The following ROS1 variants were observed in gnomAD, a reference collection of about 807,000 sequenced individuals.
The protein encoded by ROS1 is ROS proto-oncogene 1, receptor tyrosine kinase, also known as proto-oncogene tyrosine-protein kinase ROS.
In ROS1, 263 loss-of-function variants were observed where a neutral mutation model predicts 273.5. That is an observed-to-expected ratio of 0.96 (90% CI 0.87 to 1.06). ROS1 has a LOEUF of 1.06. Ranked by LOEUF, ROS1 falls within the 50% of genes least tolerant of loss-of-function variation. ROS1 has a pLI of 0.00. For missense variants in ROS1, 2,833 were observed against 2,751.1 expected, an observed-to-expected ratio of 1.03 and a Z score of -0.67; for synonymous variants, 1,008 against 954.1, an observed-to-expected ratio of 1.06 and a Z score of -1.04.
At chr6:117,304,480 T>C (rs1459092766) in intron 42 of ROS1, among the ~76,000 whole-genome samples, 1 of 152,232 alleles carries the variant, frequency 6.6e-6, no homozygotes, top group Non-Finnish European at 1.5e-5. Flanking sequence ...TGTCCCTCCT[T>C]ATCAGTTTTG....
At chr6:117,396,437 G>T (rs1360133095) in intron 8 of ROS1, among the ~76,000 whole-genome samples, 173 bp from the exon 9 acceptor site, 1 of 152,166 alleles carries the variant, frequency 6.6e-6, no homozygotes, top group African/African-American at 2.4e-5. Flanking sequence ...ATCCTTGTTT[G>T]CATTCCCCTA....
chr6:117,390,288 G>A (rs1191905743), intron 12 of ROS1, among the ~76,000 whole-genome samples: 2 of 151,934 alleles, frequency 1.3e-5, no homozygotes, highest in South Asian at 2.1e-4. Context: ...CACCGTGCTC[G>A]GCTAATTTTT....
At chr6:117,406,998 G>A (rs1582873369) in intron 5 of ROS1, among the ~76,000 whole-genome samples, 1 of 145,228 alleles carries the variant, frequency 6.9e-6, no homozygotes, top group East Asian at 2.0e-4. Flanking sequence ...GTAATGGCCT[G>A]GAGCACATCA....
intron 17 of ROS1, among the ~76,000 whole-genome samples, chr6:117,380,167 G>C (rs1397807574): frequency 7.2e-5 from 11 of 152,036 alleles, no homozygotes; most frequent in Admixed American, 7.2e-4. Context: ...GAAGCTGTGA[G>C]GTATAACCAA....
chr6:117,356,550 G>T, intron 26 of ROS1, 79 bp downstream of exon 26: 1 of 1,268,944 alleles, frequency 7.9e-7, no homozygotes, highest in Non-Finnish European at 1.1e-6. Flanking sequence ...AGTATACGCG[G>T]AATGCAAGCC....
At chr6:117,325,668 G>C (rs975766041) in intron 34 of ROS1, among the ~76,000 whole-genome samples, 72 of 152,234 alleles carry the variant, frequency 4.7e-4, no homozygotes, top group African/African-American at 1.7e-3. Context: ...GAAAGAGGAA[G>C]ATGAGAACTC....
At chr6:117,407,321 T>C (rs1774493945) in intron 5 of ROS1, among the ~76,000 whole-genome samples, 1 of 152,154 alleles carries the variant, frequency 6.6e-6, no homozygotes, top group African/African-American at 2.4e-5. Context: ...GGAAATGATA[T>C]CTGCTGACAT....
At chr6:117,357,056 T>C (rs143669880) in intron 25 of ROS1, 141 bp from the exon 26 acceptor site, 9 of 682,914 alleles carry the variant, frequency 1.3e-5, no homozygotes, top group Admixed American at 1.2e-4. Context: ...AAGTTTTCAA[T>C]AACCTTTTTC....
chr6:117,403,220 A>G lies in ROS1; in HGVS notation c.523T>C (p.Phe175Leu). ...KPLHPFTEYI[F>L]RVVWIFTAQL... Reference sequence around the variant, plus strand: ...GCTGTGAAGATCCAAACCACTCGGAAAATGTACTCAGTGAAGGGGTGCAGG... The same window carrying G: ...GCTGTGAAGATCCAAACCACTCGGAGAATGTACTCAGTGAAGGGGTGCAGG... The change falls in exon 7 of 44, where the codon TTC becomes CTC. Residue 175 changes from phenylalanine to leucine, a missense_variant. Transcript: ENST00000368507. 1 of 1,612,218 alleles carries G rather than the reference A, an allele frequency of 6.2e-7. No individual in the cohort carries two copies. The highest frequency in any genetic ancestry group is 8.5e-7 in the Non-Finnish European group (1 of 1,179,614).
At chr6:117,371,152 A>G (rs1780731432) in intron 18 of ROS1, among the ~76,000 whole-genome samples, 1 of 152,174 alleles carries the variant, frequency 6.6e-6, no homozygotes, top group African/African-American at 2.4e-5. Flanking sequence ...CTTTTGCTCC[A>G]AGAACTACCA....
At chr6:117,329,633 G>C (rs1287166929) in intron 32 of ROS1, among the ~76,000 whole-genome samples, 187 bp from the exon 33 acceptor site, 1 of 152,130 alleles carries the variant, frequency 6.6e-6, no homozygotes, top group Non-Finnish European at 1.5e-5. Flanking sequence ...TAATAAGTGT[G>C]TGAGTCCTTC....
chr6:117,361,965 A>G lies in ROS1; in HGVS notation c.3366+638T>C, dbSNP rs190634567. ...AAATACCTACAGTGGTGCAAGGCCTATAGTGATTTTATTGAAAAATAATGG... is the reference window on the plus strand; with the variant it reads ...AAATACCTACAGTGGTGCAAGGCCTGTAGTGATTTTATTGAAAAATAATGG... On this transcript the variant is annotated intron_variant, in intron 22 of 43. Transcript: ENST00000368507. Among the ~76,000 whole-genome samples the G allele has an allele frequency of 2.8e-3, 430 of 152,244 alleles. 3 individuals are homozygous for G. Among genetic ancestry groups the G allele is most frequent in the African/African-American group, 9.4e-3 (390 of 41,558 alleles).
At position 117,288,780 on chromosome 6, in the gene ROS1, A is replaced by G. The variant is rs1200820127; in HGVS notation, c.6738T>C (p.Cys2246=). ...SFEGEDGDVI[C]LNSDDIMPVA... is the part of the protein sequence containing the mutation. ...CTGGCATAATGTCATCTGAATTCAA[A>G]CAAATCACATCGCCATCTTCACCTG... Residue 2246 remains cysteine (C), a synonymous_variant, in exon 44 of 44, where the codon TGT becomes TGC. Transcript: ENST00000368507. 6.2e-7 allele frequency: 1 copy of G among 1,603,300 alleles called. No homozygotes were observed. The highest frequency in any genetic ancestry group is 8.5e-7 in the Non-Finnish European group (1 of 1,174,946).
At position 117,394,360 on chromosome 6, in the gene ROS1, G is replaced by A; in HGVS notation, c.1007-14C>T. 1 of 1,579,658 alleles carries A rather than the reference G, an allele frequency of 6.3e-7. No homozygotes were observed. On this transcript the variant is annotated splice_polypyrimidine_tract_variant and intron_variant, in intron 10 of 43. Coordinates refer to ENST00000368507, the MANE Select transcript of ROS1 (RefSeq NM_001378902.1). Reference sequence around the variant, plus strand: ...CAACAGATATTCCTAGAAGAGCCATGCAAGTGCACACACATTATTATATAA... The same window carrying A: ...CAACAGATATTCCTAGAAGAGCCATACAAGTGCACACACATTATTATATAA...
At chr6:117,327,433 A>G (rs1451945220) in intron 33 of ROS1, among the ~76,000 whole-genome samples, 1 of 152,100 alleles carries the variant, frequency 6.6e-6, no homozygotes, top group Non-Finnish European at 1.5e-5. Flanking sequence ...CAAAAGAAAG[A>G]GGCCCTTGAG....
chr6:117,411,658 C>T (rs1774922304), intron 4 of ROS1, among the ~76,000 whole-genome samples: 1 of 152,148 alleles, frequency 6.6e-6, no homozygotes, highest in Non-Finnish European at 1.5e-5. Context: ...TTTCCAGCTT[C>T]TGTAACACTA....
rs547091089 is a variant in ROS1 at position 117,425,773 on chromosome 6, T to C, written c.-117A>G. 1.3e-5 allele frequency: 15 copies of C among 1,117,016 alleles called. No individual in the cohort carries two copies. The Admixed American group carries it at 2.9e-4, about 22-fold the overall frequency. 69.2% of individuals were successfully genotyped at this position (1,117,016 alleles called of 1,614,324 possible). ...AGTAGCTGATGGATTTTGCTTTGTT[T>C]GTTTTGCTATATTAGGATATACTTG... On this transcript the variant is annotated 5_prime_UTR_variant, in exon 1 of 44. Coordinates refer to ENST00000368507, the MANE Select transcript of ROS1 (RefSeq NM_001378902.1).
intron 12 of ROS1, among the ~76,000 whole-genome samples, chr6:117,390,753 C>T (rs1366581355): frequency 6.6e-6 from 1 of 152,048 alleles, no homozygotes; most frequent in Admixed American, 6.6e-5. Flanking sequence ...ATGACTGAAG[C>T]AGGAAAATCC....
chr6:117,305,588 C>T (rs1262356651), intron 42 of ROS1, among the ~76,000 whole-genome samples: 1 of 151,878 alleles, frequency 6.6e-6, no homozygotes, highest in Non-Finnish European at 1.5e-5. Context: ...CATGTAGGGA[C>T]AAATGAGGAC....
Sources: allele counts gnomAD v4.1 joint callset (sites outside exome capture counted in the v4.1 genomes callset), GRCh38; gene constraint gnomAD v4.1.1; transcripts MANE v1.5; gene names NCBI Gene and HGNC (gene_info 2026-07-23, HGNC 2026-07-21).